The following ST7L variants were observed in gnomAD, a reference collection of about 807,000 sequenced individuals.
The protein encoded by ST7L is suppressor of tumorigenicity 7 protein-like.
A neutral mutation model predicts 72.5 loss-of-function variants in ST7L; 57 were observed. The ratio of observed to expected loss-of-function variants is 0.79; its 90% confidence interval spans 0.64 to 0.98. The LOEUF is 0.98. Ranked by LOEUF, ST7L falls within the 50% of genes least tolerant of loss-of-function variation. The probability of loss-of-function intolerance (pLI) is 0.00; values close to 1 mark genes in which losing one functional copy is unlikely to be tolerated. For synonymous variants in ST7L, 221 were observed against 240.9 expected (o/e 0.92, Z 0.77); for missense variants, 576 against 672.2 (o/e 0.86, Z 1.58).
At chr1:112,599,071 A>ATAT (rs1666940925) in intron 4 of ST7L, among the ~76,000 whole-genome samples, 1 of 53,260 alleles carries the variant, frequency 1.9e-5, no homozygotes, top group Non-Finnish European at 3.4e-5. Context: ...AAAAAAAAAA[A>ATAT]AAATATATAT....
intron 4 of ST7L, among the ~76,000 whole-genome samples, chr1:112,599,077 T>A (rs200133045): frequency 0.53 from 16,159 of 30,228 alleles, 3,810 homozygotes; most frequent in Non-Finnish European, 0.59. Flanking sequence ...AAAAAAAATA[T>A]ATATATATAT....
intron 6 of ST7L, among the ~76,000 whole-genome samples, chr1:112,590,224 T>G (rs751182057): frequency 6.6e-6 from 1 of 152,122 alleles, no homozygotes; most frequent in African/African-American, 2.4e-5. Context: ...GAAAATAAGG[T>G]CCATTCCACT....
intron 6 of ST7L, among the ~76,000 whole-genome samples, chr1:112,587,098 GTGA>G (rs1399978763): frequency 2.0e-5 from 3 of 152,134 alleles, no homozygotes; most frequent in East Asian, 1.9e-4. Context: ...TAAATTCAAG[GTGA>G]TGATGATTTG....
intron 11 of ST7L, among the ~76,000 whole-genome samples, chr1:112,566,519 G>A (rs1157807067): frequency 2.0e-5 from 3 of 151,802 alleles, no homozygotes; most frequent in Admixed American, 6.6e-5. Context: ...GGCTGGTCTC[G>A]AACTCCTGAC....
intron 14 of ST7L, chr1:112,529,422 A>G (rs988488848): frequency 2.0e-5 from 3 of 152,216 alleles, no homozygotes; most frequent in African/African-American, 7.2e-5. Flanking sequence ...TTCATTAAGA[A>G]GCATGTTTCA....
chr1:112,601,029 T>A (rs529335750), intron 3 of ST7L, among the ~76,000 whole-genome samples, 181 bp from the exon 4 acceptor site: 1 of 152,204 alleles, frequency 6.6e-6, no homozygotes, highest in Non-Finnish European at 1.5e-5. Context: ...TCTGTCTCCA[T>A]AGTATTTGGT....
intron 14 of ST7L, among the ~76,000 whole-genome samples, chr1:112,532,266 T>G (rs1456744357): frequency 6.6e-6 from 1 of 152,226 alleles, no homozygotes; most frequent in East Asian, 1.9e-4. Context: ...AACATTTTTC[T>G]ATCTCACTGT....
chr1:112,555,476 A>G (rs1658955929), intron 12 of ST7L, among the ~76,000 whole-genome samples: 1 of 152,048 alleles, frequency 6.6e-6, no homozygotes, highest in South Asian at 2.1e-4. Flanking sequence ...GAGGCAGGAG[A>G]ACGGCATGAA....
chr1:112,560,348 C>T (rs910925601), intron 11 of ST7L, among the ~76,000 whole-genome samples: 6 of 152,014 alleles, frequency 3.9e-5, no homozygotes, highest in South Asian at 2.1e-4. Context: ...GAGCCAAGAT[C>T]GCGCCACTGC....
intron 14 of ST7L, among the ~76,000 whole-genome samples, chr1:112,537,278 C>A (rs1006379991): frequency 6.6e-6 from 1 of 152,126 alleles, no homozygotes; most frequent in East Asian, 1.9e-4. Context: ...AGATTACAGG[C>A]GTGAGCCACC....
chr1:112,574,751 G>A (rs1444342553), intron 11 of ST7L, among the ~76,000 whole-genome samples: 3 of 152,088 alleles, frequency 2.0e-5, no homozygotes. Context: ...GAATACAAAT[G>A]AATAAGAATA....
chr1:112,547,561 CTTTTTTTTTTTTTTT>C (rs59755766), intron 13 of ST7L, among the ~76,000 whole-genome samples: 10 of 62,028 alleles, frequency 1.6e-4, no homozygotes, highest in African/African-American at 2.6e-4. Context: ...TCTTTGTCAT[CTTTTTTTTTTTTTTT>C]TTTTTTTTTT....
rs1001612429 is a variant in ST7L, at chr1:112,524,202, C to T, written c.*1811G>A. The T allele has an allele frequency of 3.9e-5, 6 of 152,512 alleles. No homozygotes were observed. Among genetic ancestry groups the T allele is most frequent in the Admixed American group, 1.3e-4 (2 of 15,278 alleles). The allele number at this position is 152,512 out of a possible 1,614,324, so 9.4% of individuals were successfully genotyped here. On this transcript the variant is annotated 3_prime_UTR_variant, in exon 15 of 15. Coordinates refer to ENST00000358039, the MANE Select transcript of ST7L (RefSeq NM_017744.5). ...TAAGTCTTTGCCAAATTCTCAGACCCACTCAGGACACGAGTCTCTACATGG... is the reference window on the plus strand; with the variant it reads ...TAAGTCTTTGCCAAATTCTCAGACCTACTCAGGACACGAGTCTCTACATGG...
chr1:112,566,695 C>T (rs1661122581), intron 11 of ST7L, among the ~76,000 whole-genome samples: 1 of 152,168 alleles, frequency 6.6e-6, no homozygotes, highest in Non-Finnish European at 1.5e-5. Context: ...ATTTCTACCA[C>T]CACAGATCAC....
chr1:112,540,653 T>C, intron 14 of ST7L: 3 of 1,183,526 alleles, frequency 2.5e-6, no homozygotes, highest in Non-Finnish European at 3.2e-6. Flanking sequence ...CTCTTACCAC[T>C]GGTGCCAGAA....
chr1:112,605,765 G>A (rs563413030), intron 3 of ST7L, among the ~76,000 whole-genome samples: 2 of 152,224 alleles, frequency 1.3e-5, no homozygotes, highest in East Asian at 3.9e-4. Context: ...TGGGGTGGCA[G>A]TGTCACCCCC....
chr1:112,614,627 C>T (rs1017707964), intron 2 of ST7L, among the ~76,000 whole-genome samples: 1 of 152,010 alleles, frequency 6.6e-6, no homozygotes, highest in Non-Finnish European at 1.5e-5. Flanking sequence ...ATTTCTACTA[C>T]AGCTGGAGAG....
intron 9 of ST7L, among the ~76,000 whole-genome samples, chr1:112,578,736 T>C (rs1178099932): frequency 6.6e-6 from 1 of 152,092 alleles, no homozygotes; most frequent in Non-Finnish European, 1.5e-5. Context: ...ATTGCGCCAT[T>C]GCGCTCCAGC....
At chr1:112,575,569 C>T (rs115241936) in intron 11 of ST7L, among the ~76,000 whole-genome samples, 3,355 of 152,106 alleles carry the variant, frequency 0.022, 113 homozygotes, top group African/African-American at 0.077. Context: ...GACTAATGGG[C>T]GGGTAGCATA....
Sources: allele counts gnomAD v4.1 joint callset (sites outside exome capture counted in the v4.1 genomes callset), GRCh38; gene constraint gnomAD v4.1.1; transcripts MANE v1.5; gene names NCBI Gene and HGNC (gene_info 2026-07-23, HGNC 2026-07-21).